VDR: variants seen among roughly 807,000 people sequenced by gnomAD.
VDR encodes the protein vitamin D3 receptor.
In VDR, 19 loss-of-function variants were observed where a neutral mutation model predicts 39.7. The ratio of observed to expected loss-of-function variants is 0.48; its 90% CI spans 0.33 to 0.70. VDR has a LOEUF of 0.70. Ranked by LOEUF, VDR falls within the 30% of genes least tolerant of loss-of-function variation. The pLI is 0.02. For missense variants in VDR, 442 were observed against 570.5 expected (o/e 0.77, Z 2.29); for synonymous variants, 242 against 215.8 (o/e 1.12, Z -1.07).
At chr12:47,854,784 T>A (rs1945449902) in intron 7 of VDR, among the ~76,000 whole-genome samples, 1 of 152,256 alleles carries the variant, frequency 6.6e-6, no homozygotes. Context: ...AGCTCTCCAG[T>A]GCTGGCCTGC....
At chr12:47,850,867 CCTCCCCTCCCG>C (rs1945373108) in intron 7 of VDR, among the ~76,000 whole-genome samples, 1 of 152,060 alleles carries the variant, frequency 6.6e-6, no homozygotes, top group African/African-American at 2.4e-5. Flanking sequence ...CGGCCCCTCC[CCTCCCCTCCCG>C]CATTCCCACG....
intron 4 of VDR, among the ~76,000 whole-genome samples, chr12:47,862,356 G>C (rs1945644189): frequency 6.6e-6 from 1 of 152,236 alleles, no homozygotes; most frequent in East Asian, 1.9e-4. Flanking sequence ...GCTGCCTCGG[G>C]TGTGGCCCAC....
In VDR at chr12:47,879,061, CGGTCAAAGTCTCCAG is replaced by C. The variant is rs760743075; in HGVS notation, c.38_52del (p.Pro13_Asp17del). 1 of 1,614,164 alleles carries C rather than the reference CGGTCAAAGTCTCCAG, an allele frequency of 6.2e-7. No individual in the cohort carries two copies. The highest frequency in any genetic ancestry group is 1.7e-5 in the Admixed American group (1 of 60,018). ...CACCCCACAGATCCGGGGCACGTTC[CGGTCAAAGTCTCCAG>C]GGTCAGGCAGGGAAGTGCTGGCCGC... On this transcript the variant is annotated inframe_deletion, in exon 3 of 10. Coordinates refer to ENST00000549336, the MANE Select transcript of VDR (RefSeq NM_000376.3).
chr12:47,855,787 A>G lies in VDR; in HGVS notation c.598T>C (p.Ser200Pro). The change falls in exon 7 of 10, where the codon TCC becomes CCC. Residue 200 changes from serine (S) to proline (P), a missense_variant. By Grantham distance (74) the Ser-to-Pro change is moderately conservative. Around this residue, in one of 5 missense-constraint regions of VDR, gnomAD observed 77 missense variants for 67.4 expected, o/e 1.14. Transcript: ENST00000549336. ...CITSSDMMDS[S>P]SFSNLDLSEE... ...CTCAGATCCAGATTGGAGAAGCTGG[A>G]CGAGTCCATCATGTCTGGGAGAGAT... 1 of 1,614,032 alleles carries G rather than the reference A, an allele frequency of 6.2e-7. No homozygotes were observed. Among genetic ancestry groups the G allele is most frequent in the Non-Finnish European group, 8.5e-7 (1 of 1,179,980 alleles).
chr12:47,901,396 A>T (rs1468361726), intron 1 of VDR: 3 of 155,602 alleles, frequency 1.9e-5, no homozygotes, highest in African/African-American at 7.2e-5. Context: ...AACGCCTGTC[A>T]CTTGGATTGA....
Position 47,878,982 on chromosome 12 carries a change from G to A in VDR, c.132C>T (p.Cys44=). ...FHFNAMTCEG[C]KGFFRRSMKR... ...GGAGGGCTCACCTGAAGAAGCCTTT[G>A]CAGCCTTCACAGGTCATAGCATTGA... Residue 44 remains cysteine (C), a synonymous_variant, in exon 3 of 10, where the codon TGC becomes TGT. Coordinates refer to ENST00000549336, the MANE Select transcript of VDR (RefSeq NM_000376.3). The A allele has an allele frequency of 6.2e-7, 1 of 1,614,192 alleles. No individual in the cohort carries two copies. Among genetic ancestry groups the A allele is most frequent in the Non-Finnish European group, 8.5e-7 (1 of 1,180,036 alleles).
chr12:47,894,038 C>T (rs1390614624), intron 1 of VDR, among the ~76,000 whole-genome samples: 1 of 152,240 alleles, frequency 6.6e-6, no homozygotes, highest in Non-Finnish European at 1.5e-5. Flanking sequence ...AAGCCTTGAA[C>T]CCTCACCAAG....
At chr12:47,884,566 C>A (rs1000315114) in intron 1 of VDR, among the ~76,000 whole-genome samples, 1 of 152,194 alleles carries the variant, frequency 6.6e-6, no homozygotes, top group African/African-American at 2.4e-5. Flanking sequence ...ACTTCACTCT[C>A]ATAAGAGCCT....
At position 47,852,957 on chromosome 12, in the gene VDR, C is replaced by T. The variant is rs117821874; in HGVS notation, c.755+2673G>A. 5.3e-3 allele frequency among the ~76,000 whole-genome samples: 810 copies of T among 152,224 alleles called. 5 individuals are homozygous for T. Among genetic ancestry groups the T allele is most frequent in the Middle Eastern group, 0.024 (7 of 294 alleles). On this transcript the variant is annotated intron_variant, in intron 7 of 9. Coordinates refer to ENST00000549336, the MANE Select transcript of VDR (RefSeq NM_000376.3). ...CTAGGAAGCATTTTGCCCCTTCTGCCGTAAATACAGCTATTGCTGCTACTT... is the reference window on the plus strand; with the variant it reads ...CTAGGAAGCATTTTGCCCCTTCTGCTGTAAATACAGCTATTGCTGCTACTT...
At chr12:47,860,130 A>AT (rs1565615630) in intron 4 of VDR, among the ~76,000 whole-genome samples, 1 of 151,804 alleles carries the variant, frequency 6.6e-6, no homozygotes, top group South Asian at 2.1e-4. Flanking sequence ...TGCCTGGCCA[A>AT]TTTTTTTGTA....
intron 1 of VDR, among the ~76,000 whole-genome samples, chr12:47,899,530 A>G: frequency 6.6e-6 from 1 of 152,266 alleles, no homozygotes; most frequent in East Asian, 1.9e-4. Context: ...TGAACCCAAG[A>G]GTCTAACTCA....
chr12:47,904,769 T>C, intron 1 of VDR, 186 bp downstream of exon 1: 1 of 853,870 alleles, frequency 1.2e-6, no homozygotes, highest in Non-Finnish European at 1.8e-6. Context: ...TTCAGCTTTC[T>C]CAAACCTCAG....
intron 3 of VDR, 133 bp downstream of exon 3, chr12:47,878,835 T>C: frequency 7.1e-7 from 1 of 1,417,136 alleles, no homozygotes; most frequent in Non-Finnish European, 9.7e-7. Flanking sequence ...CCTGCTCCTG[T>C]GGCTGTGAGC....
chr12:47,871,473 T>C (rs1945877365), intron 3 of VDR, among the ~76,000 whole-genome samples: 1 of 150,344 alleles, frequency 6.7e-6, no homozygotes, highest in South Asian at 2.1e-4. Context: ...TTTCTTTTTT[T>C]TTTTTTTCTG....
In VDR at chr12:47,878,976, G is replaced by A. The variant is rs1946074355; in HGVS notation, c.138C>T (p.Gly46=). Residue 46 remains glycine (G), a synonymous_variant, in exon 3 of 10, where the codon GGC becomes GGT. Transcript: ENST00000549336. ...CTGGGAGGAGGGCTCACCTGAAGAA[G>A]CCTTTGCAGCCTTCACAGGTCATAG... The part of the protein sequence containing the change: ...FNAMTCEGCK[G]FFRRSMKRKA... The A allele has an allele frequency of 6.2e-7, 1 of 1,614,082 alleles. No individual in the cohort carries two copies. Among genetic ancestry groups the A allele is most frequent in the African/African-American group, 1.3e-5 (1 of 74,916 alleles).
chr12:47,890,610 T>C (rs1946352639), intron 1 of VDR, among the ~76,000 whole-genome samples: 1 of 151,972 alleles, frequency 6.6e-6, no homozygotes, highest in Non-Finnish European at 1.5e-5. Context: ...TCATTGGTTA[T>C]GGCTTAGCAC....
At chr12:47,900,344 C>T (rs1319985846) in intron 1 of VDR, among the ~76,000 whole-genome samples, 1 of 152,288 alleles carries the variant, frequency 6.6e-6, no homozygotes, top group East Asian at 1.9e-4. Flanking sequence ...TAAACATTTA[C>T]TGCGGGTGTA....
At chr12:47,852,751 T>A (rs114916765) in intron 7 of VDR, among the ~76,000 whole-genome samples, 1,563 of 152,286 alleles carry the variant, frequency 0.01, 33 homozygotes, top group African/African-American at 0.036. Flanking sequence ...TTTAGCTCTG[T>A]GAATGACCAT....
chr12:47,888,955 T>A (rs1946311293), intron 1 of VDR, among the ~76,000 whole-genome samples: 1 of 152,184 alleles, frequency 6.6e-6, no homozygotes, highest in South Asian at 2.1e-4. Context: ...GGGCAATACA[T>A]AAGCGAATTG....
Sources: gnomAD v4.1 joint callset for allele counts (sites outside exome capture counted in the v4.1 genomes callset) on GRCh38, gnomAD v4.1.1 for gene constraint, gnomAD v4.1.1 regional missense constraint, MANE v1.5 for transcripts, NCBI Gene and HGNC (gene_info 2026-07-23, HGNC 2026-07-21) for gene names.